ZNF544: variants seen among roughly 807,000 people sequenced by gnomAD.
ZNF544 encodes the protein zinc finger protein 544, also known as zinc finger protein AF020591.
ZNF544 carries 10 observed loss-of-function variants against 13.5 expected under a neutral mutation model. The observed-to-expected ratio is 0.74, with a 90% CI of 0.46 to 1.25. The LOEUF is 1.25. Among genes scored for constraint, ZNF544 ranks in the 50% most tolerant of loss-of-function variants. The pLI, the probability that ZNF544 is intolerant of heterozygous loss-of-function variation, is 0.00. For synonymous variants in ZNF544, 323 were observed against 300.5 expected (o/e 1.07, Z -0.77); for missense variants, 896 against 845.6 (o/e 1.06, Z -0.74).
chr19:58,230,863 G>A (rs2041058591), intron 3 of ZNF544, among the ~76,000 whole-genome samples: 1 of 152,182 alleles, frequency 6.6e-6, no homozygotes. Flanking sequence ...AGCTACTAAT[G>A]AGTGCAGGCC....
chr19:58,263,454 T>C lies in ZNF544; in HGVS notation c.*700T>C, dbSNP rs1222150949. On this transcript the variant is annotated 3_prime_UTR_variant, in exon 7 of 7. Coordinates refer to ENST00000687789, the MANE Select transcript of ZNF544 (RefSeq NM_014480.4). ...GCTGCCTTGTGAGAGATTGAGACAC[T>C]CTAAATAAATAATAACCAAGATGGG... The C allele has an allele frequency of 1.0e-6, 1 of 985,042 alleles. No homozygotes were observed. 61.0% of individuals were successfully genotyped at this position (985,042 alleles called of 1,614,324 possible).
chr19:58,261,332 T>A lies in ZNF544; in HGVS notation c.726T>A (p.Tyr242Ter), dbSNP rs369057907. 3.1e-6 allele frequency: 5 copies of A among 1,614,030 alleles called. No homozygotes were observed. Among genetic ancestry groups the A allele is most frequent in the Non-Finnish European group, 4.2e-6 (5 of 1,180,048 alleles). Residue 242 changes from tyrosine (Y) to a stop codon, truncating the protein, a stop_gained, in exon 7 of 7, where the codon TAT becomes TAA. Coordinates refer to ENST00000687789, the MANE Select transcript of ZNF544 (RefSeq NM_014480.4). LOFTEE classifies it low-confidence loss of function (END_TRUNC). ...GNVETGKKNP[Y>*]EYIVSGDSLN... is the part of the protein sequence containing the mutation. ...TTGAAACAGGAAAGAAAAACCCTTA[T>A]GAATATATTGTCAGTGGTGACTCTC... is the stretch of plus-strand genomic sequence containing the variant.
At chr19:58,238,851 C>G (rs1325868506) in intron 3 of ZNF544, among the ~76,000 whole-genome samples, 1 of 151,048 alleles carries the variant, frequency 6.6e-6, no homozygotes, top group Admixed American at 6.6e-5. Flanking sequence ...ATCATTCAAC[C>G]CACTAAGTCA....
At chr19:58,270,020 A>T (rs976390683) in intron 5 of ZNF544, among the ~76,000 whole-genome samples, 9 of 152,240 alleles carry the variant, frequency 5.9e-5, no homozygotes, top group African/African-American at 2.2e-4. Context: ...GGGCAAGAAA[A>T]GGAATGTTTA....
At position 58,271,215 on chromosome 19, in the gene ZNF544, G is replaced by GAA. The variant is rs78260094; in HGVS notation, c.245-5092_245-5091dup. Among the ~76,000 whole-genome samples, 496 of 116,936 alleles carry GAA rather than the reference G, an allele frequency of 4.2e-3. 4 individuals are homozygous for GAA. The highest frequency in any genetic ancestry group is 0.014 in the African/African-American group (449 of 31,600). The allele number at this position is 116,936 out of a possible 152,430, so 76.7% of individuals were successfully genotyped here. On this transcript the variant is annotated intron_variant, in intron 5 of 6. Coordinates refer to the ZNF544 transcript ENST00000595981. ...CAACAGAGTCAGACTCCGTCTCCAGGAAAAAAAAAAAAAAAAAGACTAAAG... is the reference window on the plus strand; with the variant it reads ...CAACAGAGTCAGACTCCGTCTCCAGGAAAAAAAAAAAAAAAAAAAGACTAAAG...
At chr19:58,231,735 ACTAT>A (rs2041267054) in intron 3 of ZNF544, 1 of 152,064 alleles carries the variant, frequency 6.6e-6, no homozygotes, top group African/African-American at 2.4e-5. Flanking sequence ...TTTATTGTGA[ACTAT>A]CTGTTTGTGA....
chr19:58,272,267 G>C (rs1415381151), intron 5 of ZNF544, among the ~76,000 whole-genome samples: 2 of 151,890 alleles, frequency 1.3e-5, no homozygotes, highest in African/African-American at 4.8e-5. Context: ...TGGCTTCCTA[G>C]AATCCCCTGG....
intron 3 of ZNF544, among the ~76,000 whole-genome samples, chr19:58,240,942 T>G (rs1042417597): frequency 1.0e-4 from 15 of 150,470 alleles, no homozygotes; most frequent in African/African-American, 3.4e-4. Flanking sequence ...CTCCTTCTGT[T>G]TCTCTTTCTC....
Position 58,262,629 on chromosome 19 carries a change from C to A in ZNF544, c.2023C>A (p.Leu675Ile). 6.2e-7 allele frequency: 1 copy of A among 1,613,942 alleles called. No homozygotes were observed. Among genetic ancestry groups the A allele is most frequent in the Non-Finnish European group, 8.5e-7 (1 of 1,179,840 alleles). The change falls in exon 7 of 7, where the codon CTT becomes ATT. Residue 675 changes from leucine to isoleucine, a missense_variant. Transcript: ENST00000687789. The part of the protein sequence containing the change: ...CGKAFSGSSN[L>I]LSHHRIHSGE... ...GAAAGCCTTTTCAGGGAGCTCTAAC[C>A]TTCTTTCCCATCACAGAATTCATTC...
At position 58,262,465 on chromosome 19, in the gene ZNF544, T is replaced by C. The variant is rs143932681; in HGVS notation, c.1859T>C (p.Ile620Thr). Residue 620 changes from isoleucine to threonine, a missense_variant, in exon 7 of 7, where the codon ATC becomes ACC. Physicochemically the swap from Ile to Thr is moderately conservative, Grantham distance 89 (BLOSUM62 -1). Transcript: ENST00000687789. The stretch of plus-strand genomic sequence containing the variant: ...GCCTTCAATCGAAGCACTCAGCTCA[T>C]CAGGCATCTGCAAATTCACACTGGG... Reference protein sequence around the residue: ...GKAFNRSTQLIRHLQIHTGEK... With the variant: ...GKAFNRSTQLTRHLQIHTGEK... 52 of 1,614,192 alleles carry C rather than the reference T, an allele frequency of 3.2e-5. No individual in the cohort carries two copies. The highest frequency in any genetic ancestry group is 2.5e-4 in the Admixed American group (15 of 60,008).
intron 3 of ZNF544, among the ~76,000 whole-genome samples, chr19:58,233,230 T>C (rs967655842): frequency 1.8e-4 from 28 of 152,078 alleles, no homozygotes; most frequent in East Asian, 1.9e-4. Flanking sequence ...TCCCACAACA[T>C]GACACGTGGG....
chr19:58,240,324 C>T (rs1325873563), intron 3 of ZNF544, among the ~76,000 whole-genome samples: 2 of 151,358 alleles, frequency 1.3e-5, no homozygotes, highest in African/African-American at 4.9e-5. Flanking sequence ...GTGGCCTGAT[C>T]TCTGCTCACT....
intron 6 of ZNF544, among the ~76,000 whole-genome samples, chr19:58,249,525 T>A (rs1218350127): frequency 6.6e-6 from 1 of 152,146 alleles, no homozygotes; most frequent in Non-Finnish European, 1.5e-5. Context: ...AGTATAGTCA[T>A]TACTAATGGG....
At chr19:58,253,072 C>A (rs934426647) in intron 6 of ZNF544, among the ~76,000 whole-genome samples, 4 of 152,214 alleles carry the variant, frequency 2.6e-5, no homozygotes, top group African/African-American at 9.6e-5. Context: ...CCCACCTTGG[C>A]CTCCCAAAGT....
chr19:58,271,568 C>T (rs919846200), intron 5 of ZNF544, among the ~76,000 whole-genome samples: 6 of 152,040 alleles, frequency 3.9e-5, no homozygotes, highest in African/African-American at 1.5e-4. Context: ...TATCACTGCA[C>T]TCCAGCCTAT....
chr19:58,263,597 T>C lies in ZNF544; in HGVS notation c.*843T>C, dbSNP rs1260859350. ...CTGGAGTGTGCACTGAAACTGTGTA[T>C]TACCAAGCTCACTCTAGCCAACTAA... On this transcript the variant is annotated 3_prime_UTR_variant, in exon 7 of 7. Coordinates refer to ENST00000687789, the MANE Select transcript of ZNF544 (RefSeq NM_014480.4). The C allele has an allele frequency of 3.9e-5, 38 of 983,516 alleles. No individual in the cohort carries two copies. Among genetic ancestry groups the C allele is most frequent in the Non-Finnish European group, 4.6e-5 (38 of 828,306 alleles). The allele number at this position is 983,516 out of a possible 1,614,324, so 60.9% of individuals were successfully genotyped here. A position where few individuals can be genotyped will look rare whatever the true frequency, so the allele number is the denominator to read the frequency against.
At chr19:58,247,361 AAGTGATTCT>A (rs2045464828) in intron 6 of ZNF544, 2 of 152,708 alleles carry the variant, frequency 1.3e-5, no homozygotes, top group Admixed American at 6.5e-5. Flanking sequence ...TCCCAGGTTC[AAGTGATTCT>A]CCTGCCTCAG....
At position 58,233,160 on chromosome 19, in the gene ZNF544, TC is replaced by T. The variant is rs1346635721; in HGVS notation, c.-60+2699del. 9.9e-5 allele frequency among the ~76,000 whole-genome samples: 15 copies of T among 151,600 alleles called. No individual in the cohort carries two copies. In the East Asian group the frequency reaches 1.9e-3, roughly 19 times the overall value. On this transcript the variant is annotated intron_variant, in intron 3 of 6. Coordinates refer to ENST00000687789, the MANE Select transcript of ZNF544 (RefSeq NM_014480.4). ...AAAAGCGTCAGATCTCGTGAAACTG[TC>T]ATAAGAACAGCAAGGAAAAGACCTG...
chr19:58,264,581 C>T (rs1253640006), downstream of ZNF544, among the ~76,000 whole-genome samples: 1 of 151,996 alleles, frequency 6.6e-6, no homozygotes, highest in Non-Finnish European at 1.5e-5. Context: ...AATCCAGCTA[C>T]TTGGGAGGCT....
Sources: gnomAD v4.1 joint callset for allele counts (sites outside exome capture counted in the v4.1 genomes callset) on GRCh38, gnomAD v4.1.1 for gene constraint, MANE v1.5 for transcripts, NCBI Gene and HGNC (gene_info 2026-07-23, HGNC 2026-07-21) for gene names.